DKK2: variants seen among roughly 807,000 people sequenced by gnomAD.
The protein encoded by DKK2 is dickkopf-related protein 2.
Under a neutral mutation model 28.1 loss-of-function variants are expected in DKK2, and 11 were observed. The observed-to-expected ratio is 0.39, with a 90% CI of 0.25 to 0.65. The LOEUF (loss-of-function observed/expected upper bound fraction) is 0.65, where lower values mean the gene tolerates loss of function less well. Ranked by LOEUF, DKK2 falls within the 30% of genes least tolerant of loss-of-function variation. The probability of loss-of-function intolerance (pLI) is 0.47; values close to 1 mark genes in which losing one functional copy is unlikely to be tolerated. For synonymous variants in DKK2, 135 were observed against 126.5 expected, an observed-to-expected ratio of 1.07 and a Z score of -0.45; for missense variants, 326 against 335.5, an observed-to-expected ratio of 0.97 and a Z score of 0.22.
At chr4:107,028,715 G>T (rs983822018) in intron 1 of DKK2, among the ~76,000 whole-genome samples, 2 of 152,130 alleles carry the variant, frequency 1.3e-5, no homozygotes, top group Admixed American at 1.3e-4. Context: ...AAGGGTCAAA[G>T]GTAAGGAAAA....
intron 1 of DKK2, among the ~76,000 whole-genome samples, chr4:106,952,427 C>T (rs1722475240): frequency 6.6e-6 from 1 of 152,112 alleles, no homozygotes; most frequent in Non-Finnish European, 1.5e-5. Flanking sequence ...TATAGCAGAA[C>T]TTTCTTAAGC....
At chr4:106,973,905 T>C (rs1722905094) in intron 1 of DKK2, among the ~76,000 whole-genome samples, 1 of 152,220 alleles carries the variant, frequency 6.6e-6, no homozygotes, top group African/African-American at 2.4e-5. Flanking sequence ...CTTGAGTTAA[T>C]TTTTGTATAA....
Position 106,923,838 on chromosome 4 carries a change from T to TATC in DKK2, c.*113_*115dup. The TATC allele has an allele frequency of 2.2e-6, 3 of 1,380,576 alleles. No homozygotes were observed. Among genetic ancestry groups the TATC allele is most frequent in the Non-Finnish European group, 3.0e-6 (3 of 1,008,884 alleles). 85.5% of individuals were successfully genotyped at this position (1,380,576 alleles called of 1,614,324 possible). On this transcript the variant is annotated 3_prime_UTR_variant, in exon 4 of 4. Transcript: ENST00000285311. ...CCCTTTTTGTGATCATCTATATTCTTATCACGTTTCTTATTTTAGCCATTC... is the reference window on the plus strand; with the variant it reads ...CCCTTTTTGTGATCATCTATATTCTTATCATCACGTTTCTTATTTTAGCCATTC...
intron 1 of DKK2, among the ~76,000 whole-genome samples, chr4:106,994,228 C>A (rs1484656556): frequency 6.6e-6 from 1 of 152,142 alleles, no homozygotes; most frequent in Non-Finnish European, 1.5e-5. Context: ...TGTCCAAGAC[C>A]TCTTGAAGAC....
intron 1 of DKK2, among the ~76,000 whole-genome samples, chr4:106,962,095 TAAC>T (rs1722695255): frequency 1.3e-5 from 2 of 152,322 alleles, no homozygotes; most frequent in African/African-American, 4.8e-5. Flanking sequence ...TTATTTTCAC[TAAC>T]TTCTAAGTGT....
intron 1 of DKK2, among the ~76,000 whole-genome samples, chr4:106,951,354 A>C (rs1423501245): frequency 6.6e-6 from 1 of 152,158 alleles, no homozygotes; most frequent in Non-Finnish European, 1.5e-5. Flanking sequence ...AAGGAAAAGA[A>C]ATCGATATAT....
intron 1 of DKK2, among the ~76,000 whole-genome samples, chr4:106,995,698 C>T (rs554894535): frequency 1.3e-5 from 2 of 152,082 alleles, no homozygotes; most frequent in Admixed American, 6.5e-5. Context: ...CTGCAACCTG[C>T]GCCTCCTGGG....
chr4:106,969,465 GA>G (rs202080640), intron 1 of DKK2, among the ~76,000 whole-genome samples: 2 of 150,270 alleles, frequency 1.3e-5, no homozygotes, highest in East Asian at 1.9e-4. Context: ...CAGTTAAACA[GA>G]AAAAAAAATT....
intron 1 of DKK2, among the ~76,000 whole-genome samples, chr4:106,961,115 T>C (rs1345517222): frequency 6.6e-6 from 1 of 152,112 alleles, no homozygotes; most frequent in Non-Finnish European, 1.5e-5. Flanking sequence ...TGTTAGAAGT[T>C]TAATATTTTG....
chr4:106,948,188 A>G (rs1389599793), intron 1 of DKK2, among the ~76,000 whole-genome samples: 1 of 152,124 alleles, frequency 6.6e-6, no homozygotes, highest in Non-Finnish European at 1.5e-5. Flanking sequence ...AGTTTTTCTA[A>G]TTGCAAATTC....
intron 1 of DKK2, among the ~76,000 whole-genome samples, chr4:107,033,821 A>G (rs1723916968): frequency 6.6e-6 from 1 of 152,168 alleles, no homozygotes; most frequent in Non-Finnish European, 1.5e-5. Flanking sequence ...ACAGACTTCT[A>G]AGAAACTGTT....
intron 1 of DKK2, among the ~76,000 whole-genome samples, chr4:107,033,573 A>G (rs543891479): frequency 6.6e-6 from 1 of 152,340 alleles, no homozygotes; most frequent in East Asian, 1.9e-4. Flanking sequence ...AACATCAGGT[A>G]TGTTGGCCCA....
At chr4:106,951,771 T>C (rs1724864398) in intron 1 of DKK2, among the ~76,000 whole-genome samples, 1 of 152,182 alleles carries the variant, frequency 6.6e-6, no homozygotes, top group Admixed American at 6.5e-5. Flanking sequence ...TAATAGCTCT[T>C]AGTTCTAACT....
chr4:106,943,301 A>G (rs1306136249), intron 1 of DKK2, among the ~76,000 whole-genome samples: 2 of 152,022 alleles, frequency 1.3e-5, no homozygotes, highest in African/African-American at 4.8e-5. Flanking sequence ...ATCATCTTTC[A>G]TTTCTGTATC....
At chr4:106,994,709 G>A (rs920234993) in intron 1 of DKK2, among the ~76,000 whole-genome samples, 3 of 152,174 alleles carry the variant, frequency 2.0e-5, no homozygotes, top group Admixed American at 2.0e-4. Context: ...AAGAATTAGA[G>A]CTTGCAAGGA....
intron 1 of DKK2, among the ~76,000 whole-genome samples, chr4:106,981,834 C>T (rs1723030122): frequency 1.3e-5 from 2 of 152,064 alleles, no homozygotes; most frequent in Non-Finnish European, 2.9e-5. Context: ...CTATTTATAT[C>T]ATACTTATAT....
chr4:106,944,011 T>C (rs569023015), intron 1 of DKK2, among the ~76,000 whole-genome samples: 1 of 152,202 alleles, frequency 6.6e-6, no homozygotes, highest in South Asian at 2.1e-4. Context: ...GGATCATATC[T>C]GATAGTATTC....
intron 1 of DKK2, among the ~76,000 whole-genome samples, chr4:106,970,304 A>G (rs920753964): frequency 1.3e-5 from 2 of 152,144 alleles, no homozygotes; most frequent in African/African-American, 4.8e-5. Flanking sequence ...GAATGCACAC[A>G]TAACATCAAA....
intron 1 of DKK2, among the ~76,000 whole-genome samples, chr4:107,004,871 G>C (rs1723413856): frequency 1.3e-5 from 2 of 152,086 alleles, no homozygotes; most frequent in Non-Finnish European, 2.9e-5. Context: ...AAGATGAAAT[G>C]GACTCAACCT....
Sources: gnomAD v4.1 joint callset for allele counts (sites outside exome capture counted in the v4.1 genomes callset) on GRCh38, gnomAD v4.1.1 for gene constraint, MANE v1.5 for transcripts, NCBI Gene and HGNC (gene_info 2026-07-23, HGNC 2026-07-21) for gene names.